The following NFATC2 variants were observed in gnomAD, a reference collection of about 807,000 sequenced individuals.
NFATC2 encodes nuclear factor of activated T cells 2, also known as nuclear factor of activated T-cells, cytoplasmic 2.
Under a neutral mutation model 87.3 loss-of-function variants are expected in NFATC2, and 22 were observed. The observed-to-expected ratio is 0.25, with a 90% CI of 0.18 to 0.36. NFATC2 has a LOEUF of 0.36. Among genes scored for constraint, NFATC2 ranks in the 10% least tolerant of loss-of-function variants. NFATC2 has a pLI of 1.00. For missense variants in NFATC2, 1,149 were observed against 1,259.1 expected (o/e 0.91, Z 1.32); for synonymous variants, 565 against 542.2 (o/e 1.04, Z -0.58).
chr20:51,502,527 G>A (rs1600887166), intron 3 of NFATC2, among the ~76,000 whole-genome samples: 1 of 152,194 alleles, frequency 6.6e-6, no homozygotes, highest in East Asian at 1.9e-4. Flanking sequence ...TAGAGACAAG[G>A]GTCTGGTAAT....
intron 1 of NFATC2, among the ~76,000 whole-genome samples, chr20:51,538,874 T>C (rs996344612): frequency 2.0e-5 from 3 of 152,186 alleles, no homozygotes; most frequent in Non-Finnish European, 2.9e-5. Context: ...GATCACCTTG[T>C]TGGTAAACAA....
Position 51,542,718 on chromosome 20 carries a change from C to G in NFATC2, c.-219G>C, listed in dbSNP as rs1444253352. On this transcript the variant is annotated 5_prime_UTR_variant, in exon 1 of 11. Transcript: ENST00000371564. ...CGGCGACGGCGGCGCGAGCTTCCTG[C>G]TCCGGAGGCACCTGTTGCAGCCCGG... The G allele has an allele frequency of 2.9e-5, 28 of 961,148 alleles. No homozygotes were observed. Among genetic ancestry groups the G allele is most frequent in the Non-Finnish European group, 3.3e-5 (27 of 815,264 alleles). The allele number at this position is 961,148 out of a possible 1,614,324, so 59.5% of individuals were successfully genotyped here.
intron 10 of NFATC2, among the ~76,000 whole-genome samples, chr20:51,394,335 GAA>G (rs1600638915): frequency 1.3e-5 from 2 of 152,120 alleles, no homozygotes; most frequent in African/African-American, 4.8e-5. Context: ...GGGTGCAGGG[GAA>G]CCCCAGTGCC....
intron 6 of NFATC2, among the ~76,000 whole-genome samples, chr20:51,453,293 G>A (rs1986027827): frequency 6.6e-6 from 1 of 152,220 alleles, no homozygotes; most frequent in Non-Finnish European, 1.5e-5. Flanking sequence ...GCCAGAAGTT[G>A]TCTTACTAAC....
intron 9 of NFATC2, among the ~76,000 whole-genome samples, chr20:51,422,961 C>T (rs1981177209): frequency 6.6e-6 from 1 of 151,376 alleles, no homozygotes; most frequent in Non-Finnish European, 1.5e-5. Flanking sequence ...ACAGCTAGCG[C>T]TGATATTAGA....
At chr20:51,561,130 A>AT (rs2077017419) in intron 1 of NFATC2, among the ~76,000 whole-genome samples, 3 of 138,700 alleles carry the variant, frequency 2.2e-5, no homozygotes, top group Non-Finnish European at 3.2e-5. Flanking sequence ...GATATCAGTA[A>AT]ATTTTTTTTG....
chr20:51,406,019 C>T (rs775874082), intron 9 of NFATC2, among the ~76,000 whole-genome samples: 8 of 152,176 alleles, frequency 5.3e-5, no homozygotes, highest in South Asian at 2.1e-4. Flanking sequence ...TCAGGTGATC[C>T]GCTGGCCTTG....
chr20:51,457,634 C>CAGTGAGAGTCTAATCCAGCTGCCTGA (rs34060437), intron 5 of NFATC2, among the ~76,000 whole-genome samples: 5 of 151,186 alleles, frequency 3.3e-5, no homozygotes, highest in African/African-American at 7.3e-5. Context: ...AAAGAGAAAA[C>CAGTGAGAGTCTAATCCAGCTGCCTGA]ACGCCTTTAG....
rs1985875858 is a variant in NFATC2 at position 51,387,349 on chromosome 20, T to G, written c.*4147A>C. 1 of 152,234 alleles carries G rather than the reference T, an allele frequency of 6.6e-6. No individual in the cohort carries two copies. The allele number at this position is 152,234 out of a possible 1,614,324, so 9.4% of individuals were successfully genotyped here. ...CATTTGCATCCATTCCATTCAAAGC[T>G]TGAACTCAGCAGGGAGTTTATTCTG... On this transcript the variant is annotated 3_prime_UTR_variant, in exon 11 of 11. Coordinates refer to ENST00000371564, the MANE Select transcript of NFATC2 (RefSeq NM_012340.5).
chr20:51,443,535 G>A (rs1170751733), intron 6 of NFATC2, among the ~76,000 whole-genome samples: 1 of 152,170 alleles, frequency 6.6e-6, no homozygotes, highest in Non-Finnish European at 1.5e-5. Context: ...GATGAGGAAG[G>A]AGCTGGGAAT....
intron 9 of NFATC2, among the ~76,000 whole-genome samples, chr20:51,408,952 T>G (rs1273595340): frequency 6.6e-6 from 1 of 152,156 alleles, no homozygotes; most frequent in African/African-American, 2.4e-5. Flanking sequence ...CAACACATCA[T>G]CCTAAACTAC....
chr20:51,454,401 A>C (rs1986172011), intron 6 of NFATC2, 147 bp downstream of exon 6: 1 of 741,246 alleles, frequency 1.3e-6, no homozygotes, highest in Non-Finnish European at 2.2e-6. Flanking sequence ...GGCCATCACA[A>C]TCCCTGAAGA....
intron 9 of NFATC2, among the ~76,000 whole-genome samples, chr20:51,409,836 A>G (rs1285196468): frequency 6.6e-6 from 1 of 152,242 alleles, no homozygotes; most frequent in Non-Finnish European, 1.5e-5. Flanking sequence ...GGGTATGAGC[A>G]GACAAAAGAA....
intron 3 of NFATC2, among the ~76,000 whole-genome samples, chr20:51,491,587 G>A (rs907484240): frequency 2.0e-5 from 3 of 152,068 alleles, no homozygotes; most frequent in African/African-American, 7.2e-5. Flanking sequence ...GAAGTGCAGC[G>A]GCACCATTAC....
intron 1 of NFATC2, among the ~76,000 whole-genome samples, chr20:51,535,539 C>T (rs963317244): frequency 2.0e-5 from 3 of 152,224 alleles, no homozygotes; most frequent in African/African-American, 7.2e-5. Flanking sequence ...CATTTCAGTG[C>T]CATGTTCCTG....
chr20:51,390,198 C>T lies in NFATC2; in HGVS notation c.*1298G>A, dbSNP rs1313765109. The T allele has an allele frequency of 6.6e-6, 1 of 152,168 alleles. No homozygotes were observed. Among genetic ancestry groups the T allele is most frequent in the Non-Finnish European group, 1.5e-5 (1 of 68,042 alleles). 9.4% of individuals were successfully genotyped at this position (152,168 alleles called of 1,614,324 possible). A position where few individuals can be genotyped will look rare whatever the true frequency, so the allele number is the denominator to read the frequency against. On this transcript the variant is annotated 3_prime_UTR_variant, in exon 11 of 11. Coordinates refer to ENST00000371564, the MANE Select transcript of NFATC2 (RefSeq NM_012340.5). The stretch of plus-strand genomic sequence containing the variant: ...AAGGATGCATTCGAGTAGATTTCTT[C>T]ATGTTAGAATTTGAGTGCGGATAGG...
Position 51,490,671 on chromosome 20 carries a change from G to A in NFATC2, c.1333-15011C>T, listed in dbSNP as rs576900565. 2.0e-5 allele frequency among the ~76,000 whole-genome samples: 3 copies of A among 152,262 alleles called. No homozygotes were observed. In the South Asian group the frequency reaches 6.2e-4, roughly 32 times the overall value. On this transcript the variant is annotated intron_variant, in intron 3 of 10. Coordinates refer to ENST00000371564, the MANE Select transcript of NFATC2 (RefSeq NM_012340.5). ...TAAAGGTGCCATTAAAATAATTATA[G>A]CAGCTACACACGGTGGCACATGCCT...
chr20:51,475,435 C>T (rs761312135), intron 4 of NFATC2, 23 bp downstream of exon 4: 27 of 1,612,206 alleles, frequency 1.7e-5, no homozygotes, highest in Admixed American at 6.7e-5. Flanking sequence ...GAAGACCCGC[C>T]GCCCTCAGCT....
At chr20:51,496,500 T>A (rs909919071) in intron 3 of NFATC2, among the ~76,000 whole-genome samples, 35 of 152,104 alleles carry the variant, frequency 2.3e-4, no homozygotes, top group African/African-American at 8.4e-4. Flanking sequence ...AAGTGAACCT[T>A]GTGACCCAGA....
Sources: allele counts gnomAD v4.1 joint callset (sites outside exome capture counted in the v4.1 genomes callset), GRCh38; gene constraint gnomAD v4.1.1; transcripts MANE v1.5; gene names NCBI Gene and HGNC (gene_info 2026-07-23, HGNC 2026-07-21).